Variants in FKBP5 observed in about 807,000 individuals in gnomAD.
FKBP5 encodes the protein peptidyl-prolyl cis-trans isomerase FKBP5.
Under a neutral mutation model 50.5 loss-of-function variants are expected in FKBP5, and 23 were observed. The observed-to-expected ratio is 0.46, with a 90% confidence interval of 0.33 to 0.65. FKBP5 has a LOEUF of 0.65. Ranked by LOEUF, FKBP5 falls within the 30% of genes least tolerant of loss-of-function variation. The pLI is 0.02. For synonymous variants in FKBP5, 176 were observed against 190.6 expected, an observed-to-expected ratio of 0.92 and a Z score of 0.63; for missense variants, 411 against 553.1, an observed-to-expected ratio of 0.74 and a Z score of 2.58.
chr6:35,667,108 A>G (rs900690488), intron 1 of FKBP5, among the ~76,000 whole-genome samples: 4 of 152,012 alleles, frequency 2.6e-5, no homozygotes, highest in African/African-American at 9.7e-5. Context: ...AATTTACATT[A>G]ATAAAGAAAA....
intron 2 of FKBP5, among the ~76,000 whole-genome samples, chr6:35,713,078 A>T (rs1239736371): frequency 1.0e-4 from 1 of 10,030 alleles, no homozygotes; most frequent in African/African-American, 9.4e-4. Flanking sequence ...TCTGGTCTCT[A>T]AAAAAAAAAA....
upstream of FKBP5, among the ~76,000 whole-genome samples, chr6:35,693,365 A>G (rs541125379): frequency 3.5e-3 from 527 of 151,710 alleles, 1 homozygote; most frequent in African/African-American, 0.01. Context: ...GGGTTTCACC[A>G]TGTTAGCCAG....
intron 7 of FKBP5, among the ~76,000 whole-genome samples, chr6:35,587,605 A>C (rs1762642022): frequency 6.6e-6 from 1 of 152,254 alleles, no homozygotes; most frequent in African/African-American, 2.4e-5. Flanking sequence ...ACTCTAAAAC[A>C]ACCAGATATA....
At chr6:35,584,176 A>C in intron 8 of FKBP5, 1 of 985,446 alleles carries the variant, frequency 1.0e-6, no homozygotes, top group Non-Finnish European at 1.2e-6. Context: ...TGCCTGGCTT[A>C]ATATTATGCT....
At chr6:35,673,890 C>T (rs1224355230) in intron 1 of FKBP5, among the ~76,000 whole-genome samples, 1 of 152,188 alleles carries the variant, frequency 6.6e-6, no homozygotes, top group Non-Finnish European at 1.5e-5. Flanking sequence ...TATAAAACAG[C>T]CTTCATCTAG....
Position 35,580,039 on chromosome 6 carries a change from GTCACAGCAT to G in FKBP5, c.1014_1022del (p.Glu338_Cys340del). The G allele has an allele frequency of 6.2e-7, 1 of 1,613,226 alleles. No homozygotes were observed. The highest frequency in any genetic ancestry group is 8.5e-7 in the Non-Finnish European group (1 of 1,179,264). Reference sequence around the variant, plus strand: ...CTCACAGGAGACACGATGTTACCTTGTCACAGCATTCAACAGCTTTGGTGTATTCTCTAA... The same window carrying G: ...CTCACAGGAGACACGATGTTACCTTGTCAACAGCTTTGGTGTATTCTCTAA... On this transcript the variant is annotated inframe_deletion, in exon 9 of 11. Transcript: ENST00000357266.
intron 1 of FKBP5, among the ~76,000 whole-genome samples, chr6:35,723,891 G>A (rs1766656588): frequency 6.6e-6 from 1 of 152,222 alleles, no homozygotes; most frequent in African/African-American, 2.4e-5. Context: ...CTTAGCTCAG[G>A]AGAGGCCCTG....
chr6:35,581,623 C>T (rs1414815151), intron 8 of FKBP5: 18 of 980,506 alleles, frequency 1.8e-5, no homozygotes, highest in Non-Finnish European at 1.7e-5. Flanking sequence ...AAAACAAAAC[C>T]CCTCCAGGGC....
At chr6:35,682,501 A>G (rs142232122) in intron 1 of FKBP5, among the ~76,000 whole-genome samples, 3 of 152,192 alleles carry the variant, frequency 2.0e-5, no homozygotes, top group African/African-American at 7.2e-5. Context: ...TGAAAAGATC[A>G]ATCTGAAATT....
At chr6:35,622,056 T>C (rs1763861337) in intron 3 of FKBP5, among the ~76,000 whole-genome samples, 1 of 152,038 alleles carries the variant, frequency 6.6e-6, no homozygotes, top group South Asian at 2.1e-4. Flanking sequence ...AGGAAGTGAA[T>C]TTGAAGTGAG....
chr6:35,698,080 C>T (rs1300791805), intron 2 of FKBP5, among the ~76,000 whole-genome samples: 5 of 152,326 alleles, frequency 3.3e-5, no homozygotes, highest in East Asian at 1.9e-4. Context: ...TGTTGGCTCA[C>T]GCCTGTAATC....
chr6:35,583,190 C>A, intron 8 of FKBP5: 21 of 985,410 alleles, frequency 2.1e-5, no homozygotes, highest in Non-Finnish European at 2.5e-5. Flanking sequence ...ATAGGAAGGA[C>A]AGGCATTTCC....
chr6:35,652,960 T>C (rs1436542471), intron 1 of FKBP5, among the ~76,000 whole-genome samples: 1 of 152,084 alleles, frequency 6.6e-6, no homozygotes, highest in African/African-American at 2.4e-5. Context: ...AGCTGACGCT[T>C]AGGAAAATAG....
At chr6:35,586,938 G>A (rs753450440) in intron 8 of FKBP5, 96 bp downstream of exon 8, 34 of 1,585,012 alleles carry the variant, frequency 2.1e-5, no homozygotes, top group Non-Finnish European at 2.8e-5. Context: ...TTACCAAGCA[G>A]TGTTGACAAA....
At chr6:35,588,105 A>C (rs1211733892) in intron 7 of FKBP5, among the ~76,000 whole-genome samples, 4 of 150,982 alleles carry the variant, frequency 2.6e-5, no homozygotes, top group Non-Finnish European at 4.4e-5. Context: ...GGCTCACCAC[A>C]ACCTCTGCCT....
chr6:35,633,585 T>C (rs904883170), intron 3 of FKBP5, among the ~76,000 whole-genome samples: 1 of 149,894 alleles, frequency 6.7e-6, no homozygotes, highest in African/African-American at 2.5e-5. Flanking sequence ...CACAAAACTA[T>C]AAACTGCCTA....
intron 8 of FKBP5, chr6:35,582,150 G>C (rs1054371570): frequency 4.1e-6 from 4 of 983,616 alleles, no homozygotes; most frequent in Admixed American, 6.2e-5. Context: ...TTCTTCCCAA[G>C]TCACTCACTT....
chr6:35,575,832 G>A lies in FKBP5; in HGVS notation c.*3C>T, dbSNP rs763600918. ...CTGGGACTCTTCCCTCCTTGGCGTG[G>A]CGTCATACGTGGCCCTCAGGTTTCT... On this transcript the variant is annotated 3_prime_UTR_variant, in exon 11 of 11. Transcript: ENST00000357266. The A allele has an allele frequency of 1.1e-5, 17 of 1,600,712 alleles. No homozygotes were observed. The highest frequency in any genetic ancestry group is 1.3e-5 in the Non-Finnish European group (15 of 1,167,842).
intron 1 of FKBP5, among the ~76,000 whole-genome samples, chr6:35,647,616 C>A (rs1225183687): frequency 6.6e-6 from 1 of 152,204 alleles, no homozygotes; most frequent in Non-Finnish European, 1.5e-5. Flanking sequence ...CTGGGGTCAG[C>A]CCCAGAAAGC....
Sources: gnomAD v4.1 joint callset for allele counts (sites outside exome capture counted in the v4.1 genomes callset) on GRCh38, gnomAD v4.1.1 for gene constraint, MANE v1.5 for transcripts, NCBI Gene and HGNC (gene_info 2026-07-23, HGNC 2026-07-21) for gene names.